POMGNT1: variants seen among roughly 807,000 people sequenced by gnomAD.
The protein encoded by POMGNT1 is protein O-linked-mannose beta-1,2-N-acetylglucosaminyltransferase 1.
A neutral mutation model predicts 95.6 loss-of-function variants in POMGNT1; 67 were observed. The ratio of observed to expected loss-of-function variants is 0.70; its 90% CI spans 0.58 to 0.86. POMGNT1 has a LOEUF of 0.86. Among genes scored for constraint, POMGNT1 ranks in the 40% least tolerant of loss-of-function variants. The probability of loss-of-function intolerance (pLI) is 0.00; values close to 1 mark genes in which losing one functional copy is unlikely to be tolerated. For missense variants in POMGNT1, 719 were observed against 855.2 expected, an observed-to-expected ratio of 0.84 and a Z score of 1.99; for synonymous variants, 298 against 317.9, an observed-to-expected ratio of 0.94 and a Z score of 0.66.
At chr1:46,203,317 G>T (rs1256164456), upstream of POMGNT1, 204 of 863,666 alleles carry the variant, frequency 2.4e-4, no homozygotes, top group Non-Finnish European at 4.4e-5. Context: ...CCCGCGCCGC[G>T]CGGGCGGGGA....
Position 46,189,914 on chromosome 1 carries a change from G to A in POMGNT1, c.1725C>T (p.Tyr575=), listed in dbSNP as rs1657618143. ...SFLPDTEGHT[Y]VAFIRMEKDD... ...CTTTCTCCATTCGAATAAAGGCCAC[G>A]TAGGTGTGGCCCTCTGTGTCTGGCA... The change falls in exon 20 of 22, where the codon TAC becomes TAT. Residue 575 remains tyrosine (Y), a synonymous_variant. Coordinates refer to ENST00000371984, the MANE Select transcript of POMGNT1 (RefSeq NM_017739.4). 4.3e-6 allele frequency: 7 copies of A among 1,613,972 alleles called. No individual in the cohort carries two copies. The highest frequency in any genetic ancestry group is 5.1e-6 in the Non-Finnish European group (6 of 1,180,020).
At chr1:46,202,920 G>GGGGGT (rs1658586504), upstream of POMGNT1, among the ~76,000 whole-genome samples, 27 of 64,514 alleles carry the variant, frequency 4.2e-4, no homozygotes, top group East Asian at 8.4e-4. Context: ...GGGGGGGGGT[G>GGGGGT]GTGTGTGTGT....
intron 17 of POMGNT1, 199 bp from the exon 18 acceptor site, chr1:46,190,983 G>A: frequency 1.7e-6 from 1 of 585,504 alleles, no homozygotes; most frequent in Non-Finnish European, 3.2e-6. Flanking sequence ...CTCCACCATT[G>A]CTGGAGAGCT....
In POMGNT1 at chr1:46,196,933, T is replaced by C. The variant is rs1269146401; in HGVS notation, c.235+37A>G. 1.2e-6 allele frequency: 2 copies of C among 1,614,166 alleles called. No individual in the cohort carries two copies. Among genetic ancestry groups the C allele is most frequent in the South Asian group, 1.1e-5 (1 of 91,088 alleles). ...TCTGCCTGCCACTCCAGCTGTGAGA[T>C]CCAAGGCCCCCTACCCCATCCTTAG... On this transcript the variant is annotated intron_variant, in intron 3 of 21. Coordinates refer to ENST00000371984, the MANE Select transcript of POMGNT1 (RefSeq NM_017739.4). The surrounding 1 kb of genome is among the most constrained non-coding windows in gnomAD (Gnocchi z 4.4).
chr1:46,203,591 G>A (rs1271006379), intron 1 of POMGNT1: 2 of 1,589,886 alleles, frequency 1.3e-6, no homozygotes, highest in Non-Finnish European at 8.5e-7. Flanking sequence ...GCCACGACTT[G>A]GGGGACAAGA....
intron 1 of POMGNT1, among the ~76,000 whole-genome samples, chr1:46,205,361 A>G (rs1210038283): frequency 6.6e-6 from 1 of 152,166 alleles, no homozygotes; most frequent in Non-Finnish European, 1.5e-5. Context: ...TAACTGCCCA[A>G]CATCACGCAA....
In POMGNT1 at chr1:46,192,539, G is replaced by C; in HGVS notation, c.1263C>G (p.Cys421Trp). The C allele has an allele frequency of 6.2e-7, 1 of 1,614,198 alleles. No homozygotes were observed. Among genetic ancestry groups the C allele is most frequent in the Non-Finnish European group, 8.5e-7 (1 of 1,180,044 alleles). The change falls in exon 15 of 22, where the codon TGC (cysteine) becomes TGG (tryptophan). Residue 421 changes from cysteine (C) to tryptophan (W), a missense_variant. Coordinates refer to ENST00000371984, the MANE Select transcript of POMGNT1 (RefSeq NM_017739.4). Reference protein sequence around the residue: ...HLLEEDDSLYCISAWNDQGYE... With the variant: ...HLLEEDDSLYWISAWNDQGYE... ...CTACCTGGTCATTCCAGGCAGAGATGCAGTACAGGCTGTCATCCTCCTCCA... is the reference window on the plus strand; with the variant it reads ...CTACCTGGTCATTCCAGGCAGAGATCCAGTACAGGCTGTCATCCTCCTCCA...
intron 1 of POMGNT1, among the ~76,000 whole-genome samples, chr1:46,212,478 T>G (rs1658931151): frequency 6.6e-6 from 1 of 152,008 alleles, no homozygotes; most frequent in African/African-American, 2.4e-5. Flanking sequence ...AGACGGGGTT[T>G]CACCGTGTTA....
At chr1:46,208,516 A>C (rs1297936874) in intron 1 of POMGNT1, among the ~76,000 whole-genome samples, 1 of 152,176 alleles carries the variant, frequency 6.6e-6, no homozygotes, top group Non-Finnish European at 1.5e-5. Flanking sequence ...GGGCTTGAAG[A>C]ATGAATAAAG....
chr1:46,192,251 T>A, intron 16 of POMGNT1, 28 bp from the exon 17 acceptor site: 1 of 1,614,116 alleles, frequency 6.2e-7, no homozygotes. Flanking sequence ...CGATGAAGGT[T>A]AAGATGTTTC....
At chr1:46,219,236 G>T (rs1178859312) in intron 1 of POMGNT1, among the ~76,000 whole-genome samples, 1 of 151,618 alleles carries the variant, frequency 6.6e-6, no homozygotes, top group Non-Finnish European at 1.5e-5. Flanking sequence ...CGGAGGTTGC[G>T]GTGAGCTGAG....
At chr1:46,220,145 G>C (rs1244629320) in exon 1 of POMGNT1, 1 of 1,614,082 alleles carries the variant, frequency 6.2e-7, no homozygotes, top group Non-Finnish European at 8.5e-7. Flanking sequence ...AGTCACCAGA[G>C]GATGAGAGTG....
chr1:46,194,498 C>A (rs1658057087), intron 8 of POMGNT1, 55 bp downstream of exon 8: 1 of 1,614,158 alleles, frequency 6.2e-7, no homozygotes, highest in Non-Finnish European at 8.5e-7. Context: ...ACAGAGAGAT[C>A]TAAATGCCCA....
chr1:46,200,900 G>T (rs1263453844), upstream of POMGNT1, among the ~76,000 whole-genome samples: 1 of 152,212 alleles, frequency 6.6e-6, no homozygotes, highest in Non-Finnish European at 1.5e-5. Context: ...ACTTTGGGAG[G>T]CCAAGGCGGG....
rs201637813 is a variant in POMGNT1, at chr1:46,197,815, C to G, written c.7G>C (p.Asp3His). The change falls in exon 2 of 22, where the codon GAC becomes CAC. Residue 3 changes from aspartate to histidine, a missense_variant. Physicochemically the swap from Asp to His is moderately conservative, Grantham distance 81. Coordinates refer to ENST00000371984, the MANE Select transcript of POMGNT1 (RefSeq NM_017739.4). MD[D>H]WKPSPLIKPF... The stretch of plus-strand genomic sequence containing the variant: ...TTGATGAGGGGGCTGGGCTTCCAGT[C>G]GTCCATACCGGATTGGCGGGTCACC... 1.3e-5 allele frequency: 21 copies of G among 1,613,956 alleles called. No individual in the cohort carries two copies. In the Admixed American group the frequency reaches 3.5e-4, roughly 27 times the overall value.
chr1:46,214,104 G>C (rs1183796873), intron 1 of POMGNT1, among the ~76,000 whole-genome samples: 1 of 152,146 alleles, frequency 6.6e-6, no homozygotes, highest in Non-Finnish European at 1.5e-5. Flanking sequence ...CCAATACTTT[G>C]GAAGGCCGAG....
Position 46,194,274 on chromosome 1 carries a change from T to G in POMGNT1, c.879A>C (p.Pro293=), listed in dbSNP as rs776248221. The G allele has an allele frequency of 1.8e-5, 29 of 1,614,060 alleles. No individual in the cohort carries two copies. The South Asian group carries it at 2.7e-4, about 15-fold the overall frequency. Residue 293 remains proline (P), a splice_region_variant and synonymous_variant, in exon 9 of 22, where the codon CCA becomes CCC. Transcript: ENST00000371984. ...DPTPIEFSPD[P]LPDNKVLNVP... ...CTCACTGTCTTAAGGCCCCACTCAC[T>G]GGGTCAGGGCTGAACTCGATGGGTG...
chr1:46,217,027 T>G (rs1209020344), intron 1 of POMGNT1, among the ~76,000 whole-genome samples: 2 of 152,152 alleles, frequency 1.3e-5, no homozygotes, highest in Non-Finnish European at 1.5e-5. Flanking sequence ...TTCAATAAAT[T>G]TACCTCTTAT....
chr1:46,189,250 G>C lies in POMGNT1; in HGVS notation c.*20C>G, dbSNP rs761660715. Reference sequence around the variant, plus strand: ...CTGGGGGTACACAGTACCCAGCCCCGCAGGGTCCTGGAGGAGGTCTCATGT... The same window carrying C: ...CTGGGGGTACACAGTACCCAGCCCCCCAGGGTCCTGGAGGAGGTCTCATGT... On this transcript the variant is annotated 3_prime_UTR_variant, in exon 22 of 22. Transcript: ENST00000371984. 1.9e-6 allele frequency: 3 copies of C among 1,609,376 alleles called. No individual in the cohort carries two copies. Among genetic ancestry groups the C allele is most frequent in the Admixed American group, 1.7e-5 (1 of 59,144 alleles).
Sources: gnomAD v4.1 joint callset for allele counts (sites outside exome capture counted in the v4.1 genomes callset) on GRCh38, gnomAD v4.1.1 for gene constraint, Gnocchi (gnomAD v3.1) non-coding constraint, MANE v1.5 for transcripts, NCBI Gene and HGNC (gene_info 2026-07-23, HGNC 2026-07-21) for gene names.